LRRC40: variants seen among roughly 807,000 people sequenced by gnomAD.
LRRC40 encodes leucine rich repeat containing 40.
Under a neutral mutation model 72.8 loss-of-function variants are expected in LRRC40, and 76 were observed. The observed-to-expected ratio is 1.04, with a 90% CI of 0.87 to 1.26. The LOEUF is 1.26. LRRC40 is among the 50% of genes most tolerant of loss of function. The probability of loss-of-function intolerance (pLI) is 0.00; values close to 1 mark genes in which losing one functional copy is unlikely to be tolerated. For missense variants in LRRC40, 684 were observed against 698.9 expected (o/e 0.98, Z 0.24); for synonymous variants, 243 against 254.2 (o/e 0.96, Z 0.42).
At chr1:70,187,477 C>G in intron 2 of LRRC40, 139 bp from the exon 3 acceptor site, 1 of 538,600 alleles carries the variant, frequency 1.9e-6, no homozygotes, top group South Asian at 2.5e-5. Context: ...TACTGTTCAA[C>G]ATACTTGTTC....
intron 13 of LRRC40, among the ~76,000 whole-genome samples, chr1:70,150,845 T>C (rs1222658936): frequency 6.6e-6 from 1 of 152,246 alleles, no homozygotes; most frequent in African/African-American, 2.4e-5. Flanking sequence ...GACATTTTCC[T>C]GTGCACTATC....
intron 12 of LRRC40, chr1:70,151,816 G>T (rs187043680): frequency 5.1e-4 from 77 of 151,790 alleles, no homozygotes; most frequent in African/African-American, 1.7e-3. Flanking sequence ...AGCAATGTTA[G>T]AAGAAAAGTT....
chr1:70,153,947 G>C (rs1246420627), intron 11 of LRRC40, among the ~76,000 whole-genome samples: 1 of 146,026 alleles, frequency 6.8e-6, no homozygotes, highest in Non-Finnish European at 1.5e-5. Flanking sequence ...AACTCCAGTA[G>C]GGGCAACAGA....
intron 1 of LRRC40, among the ~76,000 whole-genome samples, chr1:70,190,410 G>C (rs942710968): frequency 6.6e-6 from 1 of 151,888 alleles, no homozygotes; most frequent in Non-Finnish European, 1.5e-5. Context: ...GCCAGTTGTA[G>C]TGCCTCAGGG....
At chr1:70,167,423 C>A (rs1667907464) in intron 9 of LRRC40, among the ~76,000 whole-genome samples, 1 of 151,578 alleles carries the variant, frequency 6.6e-6, no homozygotes, top group South Asian at 2.1e-4. Context: ...ATTAGCTGGG[C>A]ATGGTGGCAG....
chr1:70,176,087 A>G, intron 6 of LRRC40, 105 bp from the exon 7 acceptor site: 1 of 582,138 alleles, frequency 1.7e-6, no homozygotes, highest in East Asian at 3.3e-5. Flanking sequence ...TGAAAAACAC[A>G]TAGAAAAAAT....
chr1:70,188,851 G>T (rs558902624), intron 2 of LRRC40, among the ~76,000 whole-genome samples: 1 of 152,106 alleles, frequency 6.6e-6, no homozygotes, highest in Non-Finnish European at 1.5e-5. Context: ...TACAGATGTG[G>T]AGACTAAGGC....
At chr1:70,181,713 T>C (rs1437381577) in intron 4 of LRRC40, among the ~76,000 whole-genome samples, 1 of 152,040 alleles carries the variant, frequency 6.6e-6, no homozygotes, top group Non-Finnish European at 1.5e-5. Context: ...TATTTTCTAT[T>C]GGTTCTTCTG....
intron 9 of LRRC40, among the ~76,000 whole-genome samples, chr1:70,171,988 A>C (rs1202602903): frequency 6.6e-6 from 1 of 152,090 alleles, no homozygotes; most frequent in African/African-American, 2.4e-5. Flanking sequence ...CTATGGCCTA[A>C]ATGTATGTGT....
intron 6 of LRRC40, among the ~76,000 whole-genome samples, chr1:70,177,299 T>C (rs1397637163): frequency 6.6e-6 from 1 of 151,974 alleles, no homozygotes; most frequent in Non-Finnish European, 1.5e-5. Context: ...AAATCAAAGA[T>C]TCTGCCTCAA....
intron 12 of LRRC40, chr1:70,151,793 G>A (rs938091905): frequency 3.3e-5 from 5 of 150,850 alleles, no homozygotes; most frequent in Non-Finnish European, 5.9e-5. Context: ...ATTTACTGTT[G>A]GAAAGATCTG....
In LRRC40 at chr1:70,148,614, T is replaced by C. The variant is rs201179412; in HGVS notation, c.1576A>G (p.Ser526Gly). The C allele has an allele frequency of 1.2e-6, 2 of 1,613,014 alleles. No homozygotes were observed. Among genetic ancestry groups the C allele is most frequent in the African/African-American group, 2.7e-5 (2 of 75,028 alleles). ...RIFTLETILI[S>G]NNQVGSVDPQ... ...TCCACAGATCCAACCTGATTATTAC[T>C]AATCAGAATTGTTTCAAGTGTGAAG... The change falls in exon 14 of 15, where the codon AGT (serine) becomes GGT (glycine). Residue 526 changes from serine (S) to glycine (G), a missense_variant. Physicochemically the swap from Ser to Gly is moderately conservative, Grantham distance 56. Transcript: ENST00000370952.
At chr1:70,164,861 A>G (rs753995135) in intron 9 of LRRC40, among the ~76,000 whole-genome samples, 4 of 152,222 alleles carry the variant, frequency 2.6e-5, no homozygotes, top group Admixed American at 6.5e-5. Context: ...TAGTCCATTG[A>G]TATTTACCTA....
chr1:70,179,543 T>G (rs182193791), intron 5 of LRRC40, among the ~76,000 whole-genome samples: 1 of 152,278 alleles, frequency 6.6e-6, no homozygotes, highest in Non-Finnish European at 1.5e-5. Flanking sequence ...TACAACTAAA[T>G]GTACTCTGTG....
chr1:70,203,339 T>C (rs1668790385), intron 1 of LRRC40, among the ~76,000 whole-genome samples: 2 of 152,178 alleles, frequency 1.3e-5, no homozygotes, highest in Admixed American at 6.5e-5. Context: ...TGATGTAAGA[T>C]CTGTTTTGGA....
chr1:70,200,346 G>A (rs1040960720), intron 1 of LRRC40, among the ~76,000 whole-genome samples: 2 of 151,944 alleles, frequency 1.3e-5, no homozygotes, highest in African/African-American at 4.8e-5. Context: ...CATGCCTGTG[G>A]TCCTAGCTAT....
Position 70,181,149 on chromosome 1 carries a change from C to A in LRRC40, c.598G>T (p.Val200Leu). ...TCATTACTAGAAAGATTGAGTCGCA[C>A]CAGACTGGACAGAGAAGAAAAACTA... ...PASFSSLSSLVRLNLSSNELK... is the reference protein window; with the variant it reads ...PASFSSLSSLLRLNLSSNELK... The change falls in exon 5 of 15, where the codon GTG (valine) becomes TTG (leucine). Residue 200 changes from valine (V) to leucine (L), a missense_variant. Val to Leu is a conservative substitution (Grantham distance 32). Transcript: ENST00000370952. 1 of 1,598,670 alleles carries A rather than the reference C, an allele frequency of 6.3e-7. No individual in the cohort carries two copies. Among genetic ancestry groups the A allele is most frequent in the Admixed American group, 1.7e-5 (1 of 57,952 alleles).
chr1:70,189,543 CTGAT>C (rs1294536233), intron 1 of LRRC40, among the ~76,000 whole-genome samples: 1 of 152,186 alleles, frequency 6.6e-6, no homozygotes, highest in Admixed American at 6.5e-5. Flanking sequence ...TTTACATACA[CTGAT>C]TAGCACATAC....
At chr1:70,179,663 T>C (rs1347788519) in intron 5 of LRRC40, among the ~76,000 whole-genome samples, 1 of 152,204 alleles carries the variant, frequency 6.6e-6, no homozygotes, top group Non-Finnish European at 1.5e-5. Context: ...TTTAAGTTGA[T>C]TTATCAACTT....
Sources: allele counts gnomAD v4.1 joint callset (sites outside exome capture counted in the v4.1 genomes callset), GRCh38; gene constraint gnomAD v4.1.1; transcripts MANE v1.5; gene names NCBI Gene and HGNC (gene_info 2026-07-23, HGNC 2026-07-21).